FAM184A: variants seen among roughly 807,000 people sequenced by gnomAD.
The protein encoded by FAM184A is family with sequence similarity 184 member A.
In FAM184A, 99 loss-of-function variants were observed where a neutral mutation model predicts 143.8. That is an observed-to-expected ratio of 0.69 (90% confidence interval 0.58 to 0.81). FAM184A has a LOEUF of 0.81. FAM184A is among the 40% of genes least tolerant of loss of function. FAM184A has a pLI of 0.00. For synonymous variants in FAM184A, 427 were observed against 446.4 expected, an observed-to-expected ratio of 0.96 and a Z score of 0.55; for missense variants, 1,217 against 1,310.5, an observed-to-expected ratio of 0.93 and a Z score of 1.10.
At chr6:119,069,197 T>C (rs1787589440) in intron 1 of FAM184A, 2 of 221,386 alleles carry the variant, frequency 9.0e-6, no homozygotes, top group South Asian at 6.0e-5. Flanking sequence ...ACAATGTCTT[T>C]CATAAAGTAG....
chr6:119,105,003 A>G (rs1167083613), intron 1 of FAM184A, among the ~76,000 whole-genome samples: 4 of 152,166 alleles, frequency 2.6e-5, no homozygotes, highest in Non-Finnish European at 5.9e-5. Context: ...TCTATAAAAC[A>G]CTGGCCAGTA....
chr6:119,019,948 G>A (rs569573327), intron 4 of FAM184A, 30 bp downstream of exon 4: 134 of 1,474,774 alleles, frequency 9.1e-5, no homozygotes, highest in Non-Finnish European at 1.1e-4. Flanking sequence ...GAACTCTTTC[G>A]GGGGGAATGG....
chr6:118,967,836 G>A (rs905033884), intron 14 of FAM184A, among the ~76,000 whole-genome samples: 53 of 152,096 alleles, frequency 3.5e-4, no homozygotes, highest in Non-Finnish European at 1.5e-4. Flanking sequence ...TAAAATTATG[G>A]TTAATAAAGA....
At chr6:119,025,522 T>C in intron 1 of FAM184A, 2 of 518,992 alleles carry the variant, frequency 3.9e-6, no homozygotes, top group South Asian at 2.8e-5. Flanking sequence ...AGCCAGAGTT[T>C]TGAGTACAGG....
chr6:119,069,344 T>C lies in FAM184A; in HGVS notation c.159+8797A>G, dbSNP rs1044234017. ...CTCCCAAAATTCACTAGGCGAAACA[T>C]CTAAAGGTAGGCAAAGAATACTATT... On this transcript the variant is annotated intron_variant, in intron 1 of 17. Coordinates refer to ENST00000338891, the MANE Select transcript of FAM184A (RefSeq NM_024581.6). Among the ~76,000 whole-genome samples, 32 of 152,024 alleles carry C rather than the reference T, an allele frequency of 2.1e-4. 1 individual carries two copies. Among genetic ancestry groups the C allele is most frequent in the Non-Finnish European group, 1.5e-5 (1 of 67,972 alleles).
At chr6:119,032,551 G>GAGAAGGAGAAGGAGAAGGAAGAGGA (rs1473388952) in intron 1 of FAM184A, among the ~76,000 whole-genome samples, 7 of 138,442 alleles carry the variant, frequency 5.1e-5, no homozygotes, top group African/African-American at 1.9e-4. Flanking sequence ...GGAGAGGGAA[G>GAGAAGGAGAAGGAGAAGGAAGAGGA]AGAAGGAGAA....
At chr6:119,015,429 G>A (rs540512159) in intron 5 of FAM184A, among the ~76,000 whole-genome samples, 76 of 152,282 alleles carry the variant, frequency 5.0e-4, no homozygotes, top group African/African-American at 1.6e-3. Flanking sequence ...GCGGCCGGCC[G>A]GCCCTGCGGG....
intron 1 of FAM184A, among the ~76,000 whole-genome samples, chr6:119,144,446 C>T (rs6934752): frequency 1.3e-5 from 2 of 152,130 alleles, no homozygotes; most frequent in South Asian, 2.1e-4. Context: ...GCCTGGAAGC[C>T]GACAGCTCTG....
rs1583779961 is a variant in FAM184A, at chr6:118,981,263, T to C, written c.2089-913A>G. Among the ~76,000 whole-genome samples, 3 of 152,218 alleles carry C rather than the reference T, an allele frequency of 2.0e-5. No homozygotes were observed. In the South Asian group the frequency reaches 6.2e-4, roughly 31 times the overall value. On this transcript the variant is annotated intron_variant, in intron 9 of 17. Coordinates refer to ENST00000338891, the MANE Select transcript of FAM184A (RefSeq NM_024581.6). Reference sequence around the variant, plus strand: ...TTGATAAAACCATTTAATTGACCTATTTCTATTCTCATACACAGGATATTG... The same window carrying C: ...TTGATAAAACCATTTAATTGACCTACTTCTATTCTCATACACAGGATATTG...
At chr6:119,054,174 C>T (rs1005171211) in intron 1 of FAM184A, among the ~76,000 whole-genome samples, 6 of 152,026 alleles carry the variant, frequency 3.9e-5, no homozygotes, top group Admixed American at 6.6e-5. Context: ...TTACAGAAAA[C>T]GAAAACACTG....
At position 119,020,144 on chromosome 6, in the gene FAM184A, A is replaced by G; in HGVS notation, c.1166T>C (p.Leu389Pro). Residue 389 changes from leucine (L) to proline (P), a missense_variant, in exon 4 of 18, where the codon CTT (leucine) becomes CCT (proline). By Grantham distance (98) the Leu-to-Pro change is moderately conservative. Transcript: ENST00000338891. Reference protein sequence around the residue: ...LVLKASHIGMLQATQMTQEVT... With the variant: ...LVLKASHIGMPQATQMTQEVT... ...TTCCTGGGTCATTTGAGTTGCTTGA[A>G]GCATTCCAATATGACCTATCCCCCA... The G allele has an allele frequency of 6.3e-7, 1 of 1,587,040 alleles. No individual in the cohort carries two copies.
chr6:119,069,797 A>G (rs1286779441), intron 1 of FAM184A, among the ~76,000 whole-genome samples: 1 of 152,134 alleles, frequency 6.6e-6, no homozygotes, highest in African/African-American at 2.4e-5. Flanking sequence ...ATTAACCCCT[A>G]TGGAAACTTC....
chr6:119,097,083 ATCC>A (rs1788528603), intron 1 of FAM184A, among the ~76,000 whole-genome samples: 2 of 152,158 alleles, frequency 1.3e-5, no homozygotes, highest in African/African-American at 4.8e-5. Flanking sequence ...ATTTAGAAAA[ATCC>A]TATCAGAAGG....
intron 1 of FAM184A, among the ~76,000 whole-genome samples, chr6:119,146,062 A>G (rs1326330494): frequency 1.3e-5 from 2 of 152,168 alleles, no homozygotes; most frequent in Non-Finnish European, 1.5e-5. Flanking sequence ...GGGACAGTCT[A>G]TGGGTGAAGA....
intron 14 of FAM184A, 137 bp downstream of exon 14, chr6:118,974,291 A>T (rs1783780025): frequency 1.5e-6 from 1 of 682,296 alleles, no homozygotes; most frequent in African/African-American, 1.8e-5. Context: ...TGCAATTACC[A>T]TCTGTAACAC....
intron 5 of FAM184A, among the ~76,000 whole-genome samples, chr6:119,012,545 G>A (rs1256119837): frequency 6.6e-6 from 1 of 152,224 alleles, no homozygotes; most frequent in Admixed American, 6.5e-5. Context: ...AATACCTCCA[G>A]CAACCTGTGA....
intron 15 of FAM184A, among the ~76,000 whole-genome samples, chr6:118,965,057 G>T (rs529334897): frequency 6.6e-6 from 1 of 152,170 alleles, no homozygotes; most frequent in Non-Finnish European, 1.5e-5. Flanking sequence ...TGACTATGCA[G>T]TTTGGGCAGG....
At chr6:119,032,504 G>A (rs534744530) in intron 1 of FAM184A, among the ~76,000 whole-genome samples, 1 of 148,962 alleles carries the variant, frequency 6.7e-6, no homozygotes, top group Non-Finnish European at 1.5e-5. Flanking sequence ...AGAGGGAGAG[G>A]GAAGAGGGAG....
At position 119,016,770 on chromosome 6, in the gene FAM184A, T is replaced by G. The variant is rs1389994777; in HGVS notation, c.1507A>C (p.Arg503=). ...AIEAVHSNAI[R]DKKKLQMDLE... is the part of the protein sequence containing the mutation. ...ACCATTTGCAGTTTTTTCTTATCCC[T>G]AATTGCATTACTGTGGACAGCTTCA... Residue 503 remains arginine (R), a synonymous_variant, in exon 5 of 18, where the codon AGG becomes CGG. Transcript: ENST00000338891. 6.2e-7 allele frequency: 1 copy of G among 1,614,042 alleles called. No homozygotes were observed. Among genetic ancestry groups the G allele is most frequent in the East Asian group, 2.2e-5 (1 of 44,872 alleles).
Sources: allele counts gnomAD v4.1 joint callset (sites outside exome capture counted in the v4.1 genomes callset), GRCh38; gene constraint gnomAD v4.1.1; transcripts MANE v1.5; gene names NCBI Gene and HGNC (gene_info 2026-07-23, HGNC 2026-07-21).